KATNA1: variants seen among roughly 807,000 people sequenced by gnomAD.
The protein encoded by KATNA1 is katanin p60 ATPase-containing subunit A1.
Under a neutral mutation model 62.6 loss-of-function variants are expected in KATNA1, and 42 were observed. The observed-to-expected ratio is 0.67, with a 90% CI of 0.52 to 0.87. The LOEUF (loss-of-function observed/expected upper bound fraction) is 0.87. KATNA1 is among the 40% of genes least tolerant of loss of function. The probability of loss-of-function intolerance (pLI) is 0.00; values close to 1 mark genes in which losing one functional copy is unlikely to be tolerated. For missense variants in KATNA1, 498 were observed against 612.5 expected (o/e 0.81, Z 1.97); for synonymous variants, 186 against 201.9 (o/e 0.92, Z 0.67).
intron 3 of KATNA1, among the ~76,000 whole-genome samples, chr6:149,629,658 A>C (rs1779757637): frequency 6.8e-6 from 1 of 147,030 alleles, no homozygotes; most frequent in Non-Finnish European, 1.5e-5. Flanking sequence ...AATTAGGGGA[A>C]AAAATTATAA....
chr6:149,631,651 C>T (rs1779845920), intron 3 of KATNA1: 1 of 151,772 alleles, frequency 6.6e-6, no homozygotes. Context: ...CATCTTAATG[C>T]AAGGTTAACG....
chr6:149,626,914 G>A (rs1779635023), intron 3 of KATNA1, among the ~76,000 whole-genome samples: 1 of 151,784 alleles, frequency 6.6e-6, no homozygotes, highest in Admixed American at 6.6e-5. Context: ...AACCCGGGAG[G>A]CGGAGGTTGC....
intron 3 of KATNA1, among the ~76,000 whole-genome samples, chr6:149,626,842 G>C (rs951332595): frequency 4.0e-5 from 6 of 151,060 alleles, no homozygotes; most frequent in Admixed American, 2.0e-4. Context: ...AAATTAGCCT[G>C]GCCTGGTGGC....
At chr6:149,632,109 C>A (rs1184636223) in intron 3 of KATNA1, among the ~76,000 whole-genome samples, 1 of 152,064 alleles carries the variant, frequency 6.6e-6, no homozygotes, top group African/African-American at 2.4e-5. Context: ...AAATCTGAGG[C>A]CTGGCTGGGC....
intron 4 of KATNA1, among the ~76,000 whole-genome samples, chr6:149,618,155 GAAAAAAA>G (rs548492724): frequency 1.1e-5 from 1 of 88,012 alleles, no homozygotes; most frequent in Non-Finnish European, 2.4e-5. Context: ...CTCCATCTCA[GAAAAAAA>G]AAAAAAAGGA....
At chr6:149,614,490 A>AGTCAC (rs1779089463) in intron 4 of KATNA1, among the ~76,000 whole-genome samples, 1 of 152,220 alleles carries the variant, frequency 6.6e-6, no homozygotes, top group Non-Finnish European at 1.5e-5. Flanking sequence ...AGTCTCTGTG[A>AGTCAC]GTCACACATG....
chr6:149,622,538 C>A (rs1030909655), intron 4 of KATNA1, among the ~76,000 whole-genome samples: 1 of 152,004 alleles, frequency 6.6e-6, no homozygotes, highest in African/African-American at 2.4e-5. Context: ...GTTCCTTATA[C>A]CATTCCTGCA....
chr6:149,615,132 C>CAAAA (rs893824279), intron 4 of KATNA1, among the ~76,000 whole-genome samples: 62 of 44,966 alleles, frequency 1.4e-3, no homozygotes, highest in African/African-American at 2.4e-3. Flanking sequence ...GACTCTGTCT[C>CAAAA]AAAAAAAAAA....
intron 3 of KATNA1, among the ~76,000 whole-genome samples, chr6:149,631,829 T>C (rs888279690): frequency 3.3e-5 from 5 of 152,216 alleles, no homozygotes; most frequent in Admixed American, 2.0e-4. Flanking sequence ...CATGATTGGC[T>C]AGTTACAGTA....
intron 4 of KATNA1, among the ~76,000 whole-genome samples, chr6:149,611,182 C>T (rs1201579170): frequency 2.0e-5 from 3 of 151,942 alleles, no homozygotes; most frequent in Admixed American, 2.0e-4. Context: ...AATAATAGGC[C>T]AGGTGCAGTG....
At chr6:149,595,834 C>T (rs142093098) in intron 10 of KATNA1, among the ~76,000 whole-genome samples, 235 of 152,278 alleles carry the variant, frequency 1.5e-3, no homozygotes, top group African/African-American at 5.4e-3. Context: ...AAGGAGGAAA[C>T]GAGCGCAGTC....
At chr6:149,633,938 C>A (rs919424637) in intron 2 of KATNA1, among the ~76,000 whole-genome samples, 1 of 151,826 alleles carries the variant, frequency 6.6e-6, no homozygotes, top group Admixed American at 6.6e-5. Flanking sequence ...GCCTGGGCAA[C>A]AAGAGTGAAA....
Position 149,598,594 on chromosome 6 carries a change from G to A in KATNA1, c.889-244C>T, listed in dbSNP as rs1047303693. Among the ~76,000 whole-genome samples the A allele has an allele frequency of 5.9e-5, 9 of 151,980 alleles. No homozygotes were observed. In the East Asian group the frequency reaches 1.4e-3, roughly 23 times the overall value. On this transcript the variant is annotated intron_variant, in intron 7 of 10. Coordinates refer to ENST00000367411, the MANE Select transcript of KATNA1 (RefSeq NM_007044.4). ...AAATATTAGTTGAGTGTGGTTACAC[G>A]TGTCTGAGTCCCAGCTACTCAGGAG...
intron 1 of KATNA1, among the ~76,000 whole-genome samples, chr6:149,640,263 C>T (rs1780228529): frequency 1.3e-5 from 2 of 152,102 alleles, no homozygotes; most frequent in African/African-American, 4.8e-5. Context: ...TCAAGACCAG[C>T]CTGGGCAACA....
In KATNA1 at chr6:149,633,062, G is replaced by T. The variant is rs73779515; in HGVS notation, c.163-146C>A. On this transcript the variant is annotated intron_variant, in intron 2 of 10. Transcript: ENST00000367411. Reference sequence around the variant, plus strand: ...CCACATCAAGATATTCTATCAAAATGTTAATAACAGTTTATTAAATTTATG... The same window carrying T: ...CCACATCAAGATATTCTATCAAAATTTTAATAACAGTTTATTAAATTTATG... 1.8e-3 allele frequency: 749 copies of T among 426,922 alleles called. 4 individuals carry two copies. Among genetic ancestry groups the T allele is most frequent in the African/African-American group, 0.013 (609 of 46,180 alleles). 26.4% of individuals were successfully genotyped at this position (426,922 alleles called of 1,614,324 possible). A position where few individuals can be genotyped will look rare whatever the true frequency, so the allele number is the denominator to read the frequency against.
At chr6:149,628,517 T>C (rs959744931) in intron 3 of KATNA1, among the ~76,000 whole-genome samples, 1 of 151,808 alleles carries the variant, frequency 6.6e-6, no homozygotes, top group African/African-American at 2.4e-5. Flanking sequence ...ATCACCAACA[T>C]AGGTGAAGAA....
Position 149,639,943 on chromosome 6 carries a change from A to G in KATNA1, c.-13-1383T>C, listed in dbSNP as rs188916595. Among the ~76,000 whole-genome samples, 1,096 of 152,350 alleles carry G rather than the reference A, an allele frequency of 7.2e-3. 13 individuals are homozygous for G. The highest frequency in any genetic ancestry group is 0.025 in the African/African-American group (1,036 of 41,584). ...TAAACATCTGCAGAATAAATAGTGA[A>G]TATTAGATACATTTTTTGAAGCAGT... On this transcript the variant is annotated intron_variant, in intron 1 of 10. Coordinates refer to ENST00000367411, the MANE Select transcript of KATNA1 (RefSeq NM_007044.4).
chr6:149,620,362 G>A (rs376759698), intron 4 of KATNA1, among the ~76,000 whole-genome samples: 11 of 152,050 alleles, frequency 7.2e-5, no homozygotes, highest in Non-Finnish European at 1.5e-4. Flanking sequence ...GCAGTGGCGC[G>A]ATCTTGGCTC....
At chr6:149,605,736 C>A (rs1778711107) in intron 4 of KATNA1, among the ~76,000 whole-genome samples, 1 of 152,118 alleles carries the variant, frequency 6.6e-6, no homozygotes, top group African/African-American at 2.4e-5. Context: ...CATAAGACTG[C>A]TATACTCCTC....
Sources: gnomAD v4.1 joint callset for allele counts (sites outside exome capture counted in the v4.1 genomes callset) on GRCh38, gnomAD v4.1.1 for gene constraint, MANE v1.5 for transcripts, NCBI Gene and HGNC (gene_info 2026-07-23, HGNC 2026-07-21) for gene names.